The following RBMS3 variants were observed in gnomAD, a reference collection of about 807,000 sequenced individuals.
RBMS3 encodes RNA-binding motif, single-stranded-interacting protein 3.
RBMS3 carries 27 observed loss-of-function variants against 66.8 expected under a neutral mutation model. That is an observed-to-expected ratio of 0.40 (90% CI 0.30 to 0.56). RBMS3 has a LOEUF of 0.56. RBMS3 is among the 20% of genes least tolerant of loss of function. The pLI is 0.40. For synonymous variants in RBMS3, 188 were observed against 183.0 expected, an observed-to-expected ratio of 1.03 and a Z score of -0.22; for missense variants, 513 against 549.5, an observed-to-expected ratio of 0.93 and a Z score of 0.66.
chr3:29,435,011 G>A, intron 2 of RBMS3, 96 bp downstream of exon 2: 3 of 1,232,426 alleles, frequency 2.4e-6, no homozygotes, highest in Non-Finnish European at 3.4e-6. Flanking sequence ...ATCCACTGGT[G>A]TCTCAGTGAG....
At chr3:29,565,193 G>A (rs537275252) in intron 3 of RBMS3, among the ~76,000 whole-genome samples, 19 of 152,220 alleles carry the variant, frequency 1.2e-4, no homozygotes, top group South Asian at 4.2e-4. Flanking sequence ...TGTTCCAAAC[G>A]TTTATCTTGT....
At chr3:29,524,520 C>T (rs555526908) in intron 3 of RBMS3, among the ~76,000 whole-genome samples, 3 of 149,274 alleles carry the variant, frequency 2.0e-5, no homozygotes, top group Admixed American at 6.7e-5. Context: ...CTCCGCCTCC[C>T]GGTTTCAAGC....
intron 2 of RBMS3, among the ~76,000 whole-genome samples, chr3:29,454,073 A>C (rs925967900): frequency 5.3e-5 from 8 of 152,156 alleles, no homozygotes; most frequent in Admixed American, 2.0e-4. Context: ...TTCCCTAGGC[A>C]TTTCAACTCC....
intron 8 of RBMS3, among the ~76,000 whole-genome samples, chr3:29,885,194 C>A (rs2059841225): frequency 6.6e-6 from 1 of 151,758 alleles, no homozygotes; most frequent in Non-Finnish European, 1.5e-5. Flanking sequence ...GATATGAGAC[C>A]CTTTCCTTCA....
chr3:29,505,901 A>G (rs1003336090), intron 3 of RBMS3, among the ~76,000 whole-genome samples: 5 of 151,358 alleles, frequency 3.3e-5, no homozygotes, highest in African/African-American at 9.7e-5. Context: ...CTTAACATAT[A>G]TTACTATATT....
At chr3:29,577,572 A>T (rs2047162790) in intron 3 of RBMS3, among the ~76,000 whole-genome samples, 1 of 152,186 alleles carries the variant, frequency 6.6e-6, no homozygotes, top group Non-Finnish European at 1.5e-5. Context: ...AAGGCTTGCC[A>T]GGAAACTTGG....
At chr3:29,920,853 CAA>C (rs10576471) in intron 10 of RBMS3, among the ~76,000 whole-genome samples, 1,879 of 97,954 alleles carry the variant, frequency 0.019, 23 homozygotes, top group African/African-American at 0.052. Context: ...CACGTGGTCT[CAA>C]AAAAAAAAAA....
At chr3:29,646,089 T>A (rs377411599) in intron 4 of RBMS3, among the ~76,000 whole-genome samples, 1 of 152,240 alleles carries the variant, frequency 6.6e-6, no homozygotes, top group African/African-American at 2.4e-5. Context: ...GTGTAATCAT[T>A]TGGCTGTATG....
chr3:29,283,379 A>T (rs1045770416), intron 1 of RBMS3, among the ~76,000 whole-genome samples: 9 of 152,144 alleles, frequency 5.9e-5, no homozygotes, highest in Non-Finnish European at 1.2e-4. Context: ...ACTTCTTTTA[A>T]CCTATTACTA....
intron 3 of RBMS3, among the ~76,000 whole-genome samples, chr3:29,564,025 A>T (rs905738787): frequency 6.6e-6 from 1 of 151,908 alleles, no homozygotes; most frequent in African/African-American, 2.4e-5. Context: ...AAAGAAAAAG[A>T]AAAAAGAAGA....
At chr3:29,831,208 A>G (rs2058361673) in intron 6 of RBMS3, among the ~76,000 whole-genome samples, 1 of 152,180 alleles carries the variant, frequency 6.6e-6, no homozygotes, top group African/African-American at 2.4e-5. Context: ...CTCTTATTAC[A>G]GGTTGAATAG....
intron 6 of RBMS3, among the ~76,000 whole-genome samples, chr3:29,861,718 A>T (rs1234180079): frequency 6.6e-6 from 1 of 152,218 alleles, no homozygotes; most frequent in Non-Finnish European, 1.5e-5. Flanking sequence ...AAATCCTATA[A>T]GCCATCTGAT....
At position 29,879,747 on chromosome 3, in the gene RBMS3, A is replaced by C. The variant is rs544498860; in HGVS notation, c.745-4415A>C. Among the ~76,000 whole-genome samples, 34 of 152,102 alleles carry C rather than the reference A, an allele frequency of 2.2e-4. 1 individual carries two copies. The highest frequency in any genetic ancestry group is 6.8e-3 in the Middle Eastern group (2 of 294). ...AGTTTGTATAAATTTTGCTGCCCCC[A>C]ATTTTTTGATCCCCATTTATCTTGC... is the stretch of plus-strand genomic sequence containing the variant. On this transcript the variant is annotated intron_variant, in intron 7 of 14. Coordinates refer to ENST00000383767, the MANE Select transcript of RBMS3 (RefSeq NM_001003793.3).
intron 2 of RBMS3, among the ~76,000 whole-genome samples, chr3:29,447,333 T>G (rs2041868194): frequency 6.6e-6 from 1 of 152,228 alleles, no homozygotes; most frequent in African/African-American, 2.4e-5. Context: ...CAATTATAAA[T>G]AGATAAATTC....
chr3:29,913,025 A>G (rs2060553708), intron 10 of RBMS3, among the ~76,000 whole-genome samples: 1 of 151,904 alleles, frequency 6.6e-6, no homozygotes, highest in Non-Finnish European at 1.5e-5. Flanking sequence ...GGCAAATTTC[A>G]TCTAAAATAT....
intron 4 of RBMS3, chr3:29,697,207 A>G (rs1460629129): frequency 1.4e-6 from 1 of 712,714 alleles, no homozygotes; most frequent in African/African-American, 2.0e-5. Context: ...TCTTAATGAT[A>G]CAATTGGTTT....
chr3:29,960,246 A>G (rs1012741544), intron 12 of RBMS3, among the ~76,000 whole-genome samples: 5 of 152,196 alleles, frequency 3.3e-5, no homozygotes, highest in Admixed American at 6.5e-5. Flanking sequence ...ATGAAAGTTC[A>G]AAATCCAGTG....
intron 6 of RBMS3, among the ~76,000 whole-genome samples, chr3:29,855,416 T>C (rs2059046953): frequency 6.6e-6 from 1 of 152,216 alleles, no homozygotes; most frequent in African/African-American, 2.4e-5. Context: ...TTATATCTAA[T>C]CATTATATGC....
intron 4 of RBMS3, among the ~76,000 whole-genome samples, chr3:29,720,473 A>T (rs2053596165): frequency 6.6e-6 from 1 of 152,044 alleles, no homozygotes; most frequent in South Asian, 2.1e-4. Context: ...TGAAATAAAA[A>T]CTCAAGGAAG....
Sources: gnomAD v4.1 joint callset for allele counts (sites outside exome capture counted in the v4.1 genomes callset) on GRCh38, gnomAD v4.1.1 for gene constraint, MANE v1.5 for transcripts, NCBI Gene and HGNC (gene_info 2026-07-23, HGNC 2026-07-21) for gene names.